Variants in CDIN1 observed in about 807,000 individuals in gnomAD.
CDIN1 encodes the protein CDAN1 interacting nuclease 1, also known as CDAN1-interacting nuclease 1.
In CDIN1, 33 loss-of-function variants were observed where a neutral mutation model predicts 45.3. The observed-to-expected ratio is 0.73, with a 90% CI of 0.55 to 0.97. CDIN1 has a LOEUF of 0.97. CDIN1 is among the 50% of genes least tolerant of loss of function. CDIN1 has a pLI of 0.00. For missense variants in CDIN1, 303 were observed against 339.4 expected (o/e 0.89, Z 0.84); for synonymous variants, 118 against 124.4 (o/e 0.95, Z 0.34).
chr15:36,594,808 G>A (rs1205596484), intron 1 of CDIN1: 14 of 722,870 alleles, frequency 1.9e-5, no homozygotes, highest in Non-Finnish European at 2.3e-5. Flanking sequence ...ATGGGAGTCC[G>A]GCACTTAAAA....
At chr15:36,591,535 T>C (rs969808551) in intron 1 of CDIN1, among the ~76,000 whole-genome samples, 4 of 152,218 alleles carry the variant, frequency 2.6e-5, no homozygotes, top group African/African-American at 9.6e-5. Flanking sequence ...ATTCTCATTT[T>C]CTGAGGACAA....
At chr15:36,689,634 G>T (rs1595474920) in intron 5 of CDIN1, among the ~76,000 whole-genome samples, 5 of 152,270 alleles carry the variant, frequency 3.3e-5, no homozygotes, top group Admixed American at 3.3e-4. Flanking sequence ...CCTCTGACTG[G>T]CCAGGCCTTA....
At chr15:36,787,549 C>T (rs975683693) in intron 10 of CDIN1, among the ~76,000 whole-genome samples, 1 of 152,144 alleles carries the variant, frequency 6.6e-6, no homozygotes, top group African/African-American at 2.4e-5. Flanking sequence ...TATACTATCT[C>T]TCATTGTATC....
Position 36,613,863 on chromosome 15 carries a change from G to T in CDIN1, c.102-30415G>T, listed in dbSNP as rs2038762955. On this transcript the variant is annotated intron_variant, in intron 1 of 10. Transcript: ENST00000566621. ...GATAGGAAGTATGAAGAGGTGGCTTGTAAGTGGGTGATCACTGAAGGAGAC... is the reference window on the plus strand; with the variant it reads ...GATAGGAAGTATGAAGAGGTGGCTTTTAAGTGGGTGATCACTGAAGGAGAC... 5 of 1,585,682 alleles carry T rather than the reference G, an allele frequency of 3.2e-6. 1 individual carries two copies. In the Admixed American group the frequency reaches 8.3e-5, roughly 26 times the overall value.
intron 10 of CDIN1, among the ~76,000 whole-genome samples, chr15:36,713,677 T>C (rs2043131548): frequency 6.6e-6 from 1 of 152,290 alleles, no homozygotes; most frequent in African/African-American, 2.4e-5. Flanking sequence ...TTAGTTCCCC[T>C]CTGCCTGTTT....
rs1030778452 is a variant in CDIN1 at position 36,657,890 on chromosome 15, C to A, written c.331C>A (p.His111Asn). 2 of 1,611,654 alleles carry A rather than the reference C, an allele frequency of 1.2e-6. No homozygotes were observed. Among genetic ancestry groups the A allele is most frequent in the Non-Finnish European group, 1.7e-6 (2 of 1,178,802 alleles). Residue 111 changes from histidine (H) to asparagine (N), a missense_variant, in exon 5 of 11, where the codon CAC becomes AAC. Coordinates refer to ENST00000566621, the MANE Select transcript of CDIN1 (RefSeq NM_001321759.2). ...RLILERFLQEHEETPPSKSII... is the reference protein window; with the variant it reads ...RLILERFLQENEETPPSKSII... ...TATACTGGAGAGGTTTCTACAGGAA[C>A]ACGAGGAAACTCCACGTGAGTTACC...
At position 36,808,520 on chromosome 15, in the gene CDIN1, A is replaced by G; in HGVS notation, c.*67A>G. 6 of 1,581,328 alleles carry G rather than the reference A, an allele frequency of 3.8e-6. No homozygotes were observed. The highest frequency in any genetic ancestry group is 5.2e-6 in the Non-Finnish European group (6 of 1,162,564). On this transcript the variant is annotated 3_prime_UTR_variant, in exon 11 of 11. Coordinates refer to ENST00000566621, the MANE Select transcript of CDIN1 (RefSeq NM_001321759.2). ...TCCGGAAGCAATTTTACTTTCCTGC[A>G]CTGTAAGATCCTGGCAACATCTGCC...
intron 1 of CDIN1, among the ~76,000 whole-genome samples, chr15:36,605,199 A>G (rs1381958604): frequency 6.6e-6 from 1 of 152,164 alleles, no homozygotes; most frequent in East Asian, 1.9e-4. Context: ...GTCAGTGTGT[A>G]TAATACTTTT....
intron 10 of CDIN1, among the ~76,000 whole-genome samples, chr15:36,748,047 G>A (rs911742953): frequency 2.6e-5 from 4 of 152,206 alleles, no homozygotes; most frequent in African/African-American, 9.6e-5. Context: ...AGGTCTGGGG[G>A]AGTGGCAGTG....
At chr15:36,728,860 G>A (rs1213050512) in intron 10 of CDIN1, among the ~76,000 whole-genome samples, 1 of 151,996 alleles carries the variant, frequency 6.6e-6, no homozygotes, top group East Asian at 1.9e-4. Flanking sequence ...TTTTAGTAGA[G>A]ACGGGGTTTC....
chr15:36,613,805 C>G, intron 1 of CDIN1: 8 of 1,603,480 alleles, frequency 5.0e-6, no homozygotes, highest in South Asian at 1.1e-5. Context: ...GGAAATCCAA[C>G]CCAAAGAAGC....
chr15:36,704,918 T>TC (rs941825926), intron 8 of CDIN1: 1 of 152,130 alleles, frequency 6.6e-6, no homozygotes, highest in African/African-American at 2.4e-5. Context: ...GGACCTCATG[T>TC]CCCCCTGTGA....
chr15:36,626,910 G>T, intron 1 of CDIN1: 1 of 201,618 alleles, frequency 5.0e-6, no homozygotes, highest in Non-Finnish European at 1.0e-5. Flanking sequence ...GGGATGTGGT[G>T]AGTCCACTTG....
intron 8 of CDIN1, among the ~76,000 whole-genome samples, chr15:36,698,148 C>T (rs770992627): frequency 6.6e-6 from 1 of 152,070 alleles, no homozygotes; most frequent in East Asian, 1.9e-4. Flanking sequence ...AAAAATAGAA[C>T]AACATTGGAT....
intron 10 of CDIN1, among the ~76,000 whole-genome samples, chr15:36,778,625 T>A (rs1325919817): frequency 6.6e-6 from 1 of 152,180 alleles, no homozygotes; most frequent in Non-Finnish European, 1.5e-5. Context: ...ATAGTGCACA[T>A]CTCTCTAGCA....
At chr15:36,704,053 C>T (rs1331090164) in intron 8 of CDIN1, among the ~76,000 whole-genome samples, 6 of 152,148 alleles carry the variant, frequency 3.9e-5, no homozygotes, top group Admixed American at 1.3e-4. Context: ...TCATCTACAA[C>T]GAAAAGGATT....
rs750525946 is a variant in CDIN1, at chr15:36,692,178, A to G, written c.476+3A>G. ...CCACTAGTGGACTGCATCAAGCAGT[A>G]TCCTTTCCCATAAAATTTTAGGTGC... On this transcript the variant is annotated splice_donor_region_variant and intron_variant, in intron 7 of 10. Coordinates refer to ENST00000566621, the MANE Select transcript of CDIN1 (RefSeq NM_001321759.2). 1 of 1,613,318 alleles carries G rather than the reference A, an allele frequency of 6.2e-7. No homozygotes were observed. Among genetic ancestry groups the G allele is most frequent in the South Asian group, 1.1e-5 (1 of 90,936 alleles).
intron 5 of CDIN1, chr15:36,668,133 T>A (rs2041318880): frequency 6.6e-6 from 1 of 152,180 alleles, no homozygotes; most frequent in Non-Finnish European, 1.5e-5. Context: ...TTTTATATAA[T>A]CAGTACAGGA....
At chr15:36,720,434 G>A (rs1354240505) in intron 10 of CDIN1, among the ~76,000 whole-genome samples, 5 of 43,582 alleles carry the variant, frequency 1.1e-4, no homozygotes, top group African/African-American at 3.7e-4. Flanking sequence ...TCCCTCCCCC[G>A]ACCCTATGAC....
Sources: allele counts gnomAD v4.1 joint callset (sites outside exome capture counted in the v4.1 genomes callset), GRCh38; gene constraint gnomAD v4.1.1; transcripts MANE v1.5; gene names NCBI Gene and HGNC (gene_info 2026-07-23, HGNC 2026-07-21).